Variants in TOMM70 observed in about 807,000 individuals in gnomAD.
TOMM70 encodes the protein translocase of outer mitochondrial membrane 70.
Under a neutral mutation model 73.6 loss-of-function variants are expected in TOMM70, and 13 were observed. That is an observed-to-expected ratio of 0.18 (90% CI 0.11 to 0.28). TOMM70 has a LOEUF of 0.28. Among genes scored for constraint, TOMM70 ranks in the 10% least tolerant of loss-of-function variants. The pLI is 1.00. For synonymous variants in TOMM70, 257 were observed against 271.2 expected (o/e 0.95, Z 0.51); for missense variants, 609 against 747.5 (o/e 0.81, Z 2.16).
At chr3:100,399,306 T>A (rs1479176858) in intron 1 of TOMM70, among the ~76,000 whole-genome samples, 2 of 151,738 alleles carry the variant, frequency 1.3e-5, no homozygotes, top group African/African-American at 4.8e-5. Flanking sequence ...TCAACCTGAA[T>A]AGTATAATAT....
chr3:100,396,478 A>G (rs1232914580), intron 1 of TOMM70, among the ~76,000 whole-genome samples: 1 of 152,212 alleles, frequency 6.6e-6, no homozygotes, highest in Non-Finnish European at 1.5e-5. Flanking sequence ...ATGCTTTTAA[A>G]TAAGTGCATT....
chr3:100,395,611 A>G (rs890868496), intron 1 of TOMM70, among the ~76,000 whole-genome samples: 1 of 152,120 alleles, frequency 6.6e-6, no homozygotes, highest in African/African-American at 2.4e-5. Flanking sequence ...GTAGAACAAA[A>G]ATGAAGAGCT....
At chr3:100,389,686 G>C (rs756435524) in intron 1 of TOMM70, among the ~76,000 whole-genome samples, 3 of 152,138 alleles carry the variant, frequency 2.0e-5, no homozygotes, top group Non-Finnish European at 4.4e-5. Flanking sequence ...ACTGATAAAA[G>C]GTTCAATCTG....
At chr3:100,378,178 G>C (rs956865980) in intron 5 of TOMM70, among the ~76,000 whole-genome samples, 5 of 152,070 alleles carry the variant, frequency 3.3e-5, no homozygotes, top group South Asian at 2.1e-4. Context: ...GGGAGGTGGA[G>C]GTTGCAGTGA....
At chr3:100,398,800 C>G (rs1026569843) in intron 1 of TOMM70, among the ~76,000 whole-genome samples, 1 of 152,176 alleles carries the variant, frequency 6.6e-6, no homozygotes, top group African/African-American at 2.4e-5. Flanking sequence ...AATCCTAGTT[C>G]TAACACAGTC....
At chr3:100,385,192 G>A (rs1706676715) in intron 3 of TOMM70, among the ~76,000 whole-genome samples, 1 of 152,204 alleles carries the variant, frequency 6.6e-6, no homozygotes, top group Non-Finnish European at 1.5e-5. Context: ...TCAATCTGCT[G>A]ATATATTCCC....
chr3:100,397,168 G>A (rs1706835198), intron 1 of TOMM70, among the ~76,000 whole-genome samples: 1 of 152,174 alleles, frequency 6.6e-6, no homozygotes, highest in Non-Finnish European at 1.5e-5. Context: ...TTCTGGTTGC[G>A]AAATCCACCG....
At chr3:100,389,030 G>GAA (rs147855242) in intron 1 of TOMM70, among the ~76,000 whole-genome samples, 11 of 147,718 alleles carry the variant, frequency 7.4e-5, no homozygotes, top group African/African-American at 2.0e-4. Context: ...GAAAGGCATA[G>GAA]AAAAAAAAAA....
chr3:100,365,692 T>A lies in TOMM70; in HGVS notation c.1699A>T (p.Met567Leu). Residue 567 changes from methionine to leucine, a missense_variant, in exon 12 of 12, where the codon ATG becomes TTG. By Grantham distance (15) the Met-to-Leu change is conservative (BLOSUM62 2). Transcript: ENST00000284320. ...QRGNMEKAID[M>L]FNKAINLAKS... ...GCCAGGTTAATAGCTTTGTTGAACA[T>A]GTCAATGGCTTTCTCCATGTTTCCT... 6.2e-7 allele frequency: 1 copy of A among 1,614,194 alleles called. No homozygotes were observed. Among genetic ancestry groups the A allele is most frequent in the Non-Finnish European group, 8.5e-7 (1 of 1,180,014 alleles).
At chr3:100,381,248 TC>T (rs2148891679) in intron 5 of TOMM70, among the ~76,000 whole-genome samples, 1 of 152,202 alleles carries the variant, frequency 6.6e-6, no homozygotes, top group Admixed American at 6.5e-5. Flanking sequence ...ATTAAAAACT[TC>T]CCTGCACTAG....
rs764184057 is a variant in TOMM70, at chr3:100,363,446, AG to A, written c.*2117del. On this transcript the variant is annotated 3_prime_UTR_variant, in exon 12 of 12. Coordinates refer to ENST00000284320, the MANE Select transcript of TOMM70 (RefSeq NM_014820.5). ...CTAAACTACCTATCTTTCTATTTAA[AG>A]AATAGATAGAAGAGCTTGAATGTAA... 2.0e-5 allele frequency: 3 copies of A among 152,624 alleles called. No individual in the cohort carries two copies. Among genetic ancestry groups the A allele is most frequent in the Admixed American group, 6.5e-5 (1 of 15,280 alleles). The allele number at this position is 152,624 out of a possible 1,614,324, so 9.5% of individuals were successfully genotyped here. A position where few individuals can be genotyped will look rare whatever the true frequency, so the allele number is the denominator to read the frequency against.
chr3:100,399,071 CAGG>C (rs1706857711), intron 1 of TOMM70, among the ~76,000 whole-genome samples: 1 of 152,110 alleles, frequency 6.6e-6, no homozygotes, highest in African/African-American at 2.4e-5. Flanking sequence ...CACCTGAGGT[CAGG>C]AGTTCAAGAC....
rs1706890164 is a variant in TOMM70 at position 100,400,778 on chromosome 3, G to A, written c.172C>T (p.Leu58=). The change falls in exon 1 of 12, where the codon CTG becomes TTG. Residue 58 remains leucine, a synonymous_variant. Coordinates refer to ENST00000284320, the MANE Select transcript of TOMM70 (RefSeq NM_014820.5). ...CGGCGCCGTTGCTGCCGACTCCACA[G>A]GTATATGGCACCCGCGCCCAGCAGC... The part of the protein sequence containing the change: ...PLLLGAGAIY[L]WSRQQRRREA... The A allele has an allele frequency of 6.4e-7, 1 of 1,569,220 alleles. No homozygotes were observed. The highest frequency in any genetic ancestry group is 8.6e-7 in the Non-Finnish European group (1 of 1,163,554).
At chr3:100,388,757 T>A (rs769421474) in intron 1 of TOMM70, among the ~76,000 whole-genome samples, 4 of 152,162 alleles carry the variant, frequency 2.6e-5, no homozygotes, top group Admixed American at 6.5e-5. Flanking sequence ...TGAGAGGCTA[T>A]CTTCCCATCA....
chr3:100,396,425 G>C (rs1013493530), intron 1 of TOMM70, among the ~76,000 whole-genome samples: 1 of 152,082 alleles, frequency 6.6e-6, no homozygotes, highest in African/African-American at 2.4e-5. Flanking sequence ...TTTATCATCA[G>C]ATTAAATAAC....
At chr3:100,392,564 C>T (rs1461733051) in intron 1 of TOMM70, among the ~76,000 whole-genome samples, 5 of 151,918 alleles carry the variant, frequency 3.3e-5, no homozygotes, top group Non-Finnish European at 7.4e-5. Context: ...TACAAGTGCA[C>T]GCCACCATGC....
intron 8 of TOMM70, among the ~76,000 whole-genome samples, chr3:100,373,280 A>G (rs1195475995): frequency 6.6e-6 from 1 of 152,108 alleles, no homozygotes; most frequent in Admixed American, 6.6e-5. Context: ...TGCTCTTTAT[A>G]TTGATTTATG....
At position 100,384,542 on chromosome 3, in the gene TOMM70, G is replaced by A; in HGVS notation, c.672C>T (p.Ser224=). The A allele has an allele frequency of 1.2e-6, 2 of 1,610,394 alleles. No individual in the cohort carries two copies. Among genetic ancestry groups the A allele is most frequent in the Non-Finnish European group, 1.7e-6 (2 of 1,178,842 alleles). ...CILEGFQNQQ[S]MLLADKVLKL... is the part of the protein sequence containing the mutation. ...TAAGAACTTTATCGGCTAACAGCAT[G>A]CTTTGTTGATTTTGGAACCCTTCTA... is the stretch of plus-strand genomic sequence containing the variant. The change falls in exon 4 of 12, where the codon AGC becomes AGT. Residue 224 remains serine (S), a synonymous_variant. Transcript: ENST00000284320.
intron 1 of TOMM70, among the ~76,000 whole-genome samples, chr3:100,389,632 ACAAAATAC>A (rs1706736703): frequency 6.6e-6 from 1 of 150,664 alleles, no homozygotes; most frequent in African/African-American, 2.4e-5. Flanking sequence ...GGTAATATAG[ACAAAATAC>A]CATTCAAAAG....
Sources: gnomAD v4.1 joint callset for allele counts (sites outside exome capture counted in the v4.1 genomes callset) on GRCh38, gnomAD v4.1.1 for gene constraint, MANE v1.5 for transcripts, NCBI Gene and HGNC (gene_info 2026-07-23, HGNC 2026-07-21) for gene names.